The following TLK2 variants were observed in gnomAD, a reference collection of about 807,000 sequenced individuals.
TLK2 encodes the protein tousled like kinase 2.
TLK2 carries 6 observed loss-of-function variants against 117.3 expected under a neutral mutation model. The ratio of observed to expected loss-of-function variants is 0.05; its 90% CI spans 0.03 to 0.10. The LOEUF is 0.10. TLK2 is among the 10% of genes least tolerant of loss of function. TLK2 has a pLI of 1.00. For missense variants in TLK2, 299 were observed against 901.2 expected (o/e 0.33, Z 8.56); for synonymous variants, 257 against 316.7 (o/e 0.81, Z 2.00).
chr17:62,523,253 C>T, intron 5 of TLK2, 76 bp downstream of exon 5: 1 of 1,539,242 alleles, frequency 6.5e-7, no homozygotes, highest in Non-Finnish European at 8.7e-7. Flanking sequence ...TTTAAAAAAC[C>T]CTAAATCCTT....
chr17:62,530,368 G>A (rs746617658), intron 6 of TLK2, among the ~76,000 whole-genome samples: 1 of 152,176 alleles, frequency 6.6e-6, no homozygotes, highest in African/African-American at 2.4e-5. Flanking sequence ...TCAGGTGGCT[G>A]AGGTGAGAGG....
chr17:62,515,610 G>C (rs982603411), intron 2 of TLK2, among the ~76,000 whole-genome samples: 1 of 152,120 alleles, frequency 6.6e-6, no homozygotes, highest in Non-Finnish European at 1.5e-5. Context: ...TCATGTGGTC[G>C]TTGGCCATTT....
chr17:62,603,325 A>C (rs2083014895), intron 19 of TLK2, among the ~76,000 whole-genome samples: 1 of 152,204 alleles, frequency 6.6e-6, no homozygotes, highest in African/African-American at 2.4e-5. Flanking sequence ...GTAAAAAGTC[A>C]GTCCCTAAAT....
At chr17:62,513,382 G>A (rs1486820270) in intron 2 of TLK2, among the ~76,000 whole-genome samples, 1 of 147,624 alleles carries the variant, frequency 6.8e-6, no homozygotes, top group African/African-American at 2.5e-5. Flanking sequence ...GAGTGCAGTG[G>A]TGTGATCATA....
At chr17:62,508,869 G>A (rs556159479) in intron 2 of TLK2, among the ~76,000 whole-genome samples, 24 of 152,276 alleles carry the variant, frequency 1.6e-4, no homozygotes, top group Middle Eastern at 6.8e-3. Context: ...TTGGGAGGCT[G>A]AGGCACAAGA....
chr17:62,590,726 A>G (rs1221735998), intron 16 of TLK2, among the ~76,000 whole-genome samples: 9 of 152,060 alleles, frequency 5.9e-5, no homozygotes, highest in Non-Finnish European at 1.0e-4. Flanking sequence ...CAATCTTCCC[A>G]CTTCAGCCCG....
At chr17:62,538,036 T>TTG (rs2077234142) in intron 7 of TLK2, among the ~76,000 whole-genome samples, 1 of 141,916 alleles carries the variant, frequency 7.0e-6, no homozygotes, top group East Asian at 2.0e-4. Context: ...AATCTTTGTT[T>TTG]TTTTTTTTTT....
upstream of TLK2, among the ~76,000 whole-genome samples, chr17:62,476,509 G>A (rs1011469114): frequency 2.0e-5 from 3 of 152,060 alleles, no homozygotes; most frequent in African/African-American, 4.8e-5. Context: ...CATGAACCCA[G>A]GAGAAAGAGG....
At chr17:62,576,856 T>C in intron 13 of TLK2, 81 bp downstream of exon 13, 1 of 1,095,976 alleles carries the variant, frequency 9.1e-7, no homozygotes, top group Non-Finnish European at 1.4e-6. Flanking sequence ...GTCATTTGGG[T>C]GAATGTAATA....
intron 12 of TLK2, chr17:62,574,216 A>ATC: frequency 7.2e-7 from 1 of 1,391,976 alleles, no homozygotes; most frequent in East Asian, 2.6e-5. Flanking sequence ...CTAGAAGTGC[A>ATC]TCTTCTTTCA....
Position 62,495,397 on chromosome 17 carries a change from A to G in TLK2, c.81+14191A>G, listed in dbSNP as rs145569157. The stretch of plus-strand genomic sequence containing the variant: ...AGCTTAGCAAAAGAGTTTAGAGTCC[A>G]GGGCAGAGGCCTTTTTTATTTTTTA... On this transcript the variant is annotated intron_variant, in intron 2 of 21. Transcript: ENST00000346027. Among the ~76,000 whole-genome samples the G allele has an allele frequency of 8.1e-3, 1,235 of 152,082 alleles. 13 individuals carry two copies. Among genetic ancestry groups the G allele is most frequent in the African/African-American group, 0.027 (1,136 of 41,526 alleles).
At chr17:62,489,544 A>G (rs529528634) in intron 2 of TLK2, among the ~76,000 whole-genome samples, 1 of 152,150 alleles carries the variant, frequency 6.6e-6, no homozygotes, top group East Asian at 1.9e-4. Context: ...GTTTATAGAA[A>G]ATTGAGCAGC....
chr17:62,561,153 T>C (rs976402210), intron 10 of TLK2, among the ~76,000 whole-genome samples: 1 of 152,218 alleles, frequency 6.6e-6, no homozygotes, highest in Non-Finnish European at 1.5e-5. Context: ...ACAAAGGACA[T>C]GAACTCATCA....
At chr17:62,587,891 G>A (rs1052076692) in intron 16 of TLK2, among the ~76,000 whole-genome samples, 2 of 152,012 alleles carry the variant, frequency 1.3e-5, no homozygotes, top group African/African-American at 4.8e-5. Flanking sequence ...GCCTAAGGGT[G>A]TTGGACCAGT....
rs571039384 is a variant in TLK2 at position 62,593,011 on chromosome 17, C to T, written c.1461-3574C>T. 3.8e-4 allele frequency among the ~76,000 whole-genome samples: 58 copies of T among 152,272 alleles called. 1 individual carries two copies. Among genetic ancestry groups the T allele is most frequent in the African/African-American group, 1.3e-3 (52 of 41,566 alleles). ...AGGACGTGGAGCTCAGGCGGTCATG[C>T]GAGCTATGGGGAGCAGCTGTAAACA... On this transcript the variant is annotated intron_variant, in intron 16 of 21. Coordinates refer to ENST00000346027, the MANE Select transcript of TLK2 (RefSeq NM_006852.6).
chr17:62,579,145 A>G (rs1379693517), intron 14 of TLK2, among the ~76,000 whole-genome samples: 1 of 152,154 alleles, frequency 6.6e-6, no homozygotes, highest in East Asian at 1.9e-4. Flanking sequence ...TTTTTTCATA[A>G]AGCCATAGCT....
chr17:62,478,769 A>G (rs1598071648), upstream of TLK2, among the ~76,000 whole-genome samples: 1 of 65,554 alleles, frequency 1.5e-5, no homozygotes, highest in Admixed American at 2.0e-4. Flanking sequence ...CCCGCCTCCC[A>G]GCCGTGCAAA....
intron 2 of TLK2, among the ~76,000 whole-genome samples, chr17:62,500,435 A>C (rs2074093542): frequency 6.6e-6 from 1 of 152,226 alleles, no homozygotes; most frequent in Non-Finnish European, 1.5e-5. Context: ...TTTTTTGAGA[A>C]GACACAGCGG....
chr17:62,572,911 A>G, intron 11 of TLK2: 1 of 224,154 alleles, frequency 4.5e-6, no homozygotes, highest in Non-Finnish European at 8.8e-6. Context: ...GCTGTTAAAA[A>G]GGAATCAGAA....
Sources: allele counts gnomAD v4.1 joint callset (sites outside exome capture counted in the v4.1 genomes callset), GRCh38; gene constraint gnomAD v4.1.1; transcripts MANE v1.5; gene names NCBI Gene and HGNC (gene_info 2026-07-23, HGNC 2026-07-21).